Variants in HIP1 observed in about 807,000 individuals in gnomAD.
The protein encoded by HIP1 is huntingtin-interacting protein 1.
Under a neutral mutation model 147.6 loss-of-function variants are expected in HIP1, and 65 were observed. The observed-to-expected ratio is 0.44, with a 90% CI of 0.36 to 0.54. The LOEUF (loss-of-function observed/expected upper bound fraction) is 0.54, where lower values mean the gene tolerates loss of function less well. HIP1 is among the 20% of genes least tolerant of loss of function. The probability of loss-of-function intolerance (pLI) is 0.00; values close to 1 mark genes in which losing one functional copy is unlikely to be tolerated. For missense variants in HIP1, 1,061 were observed against 1,299.6 expected (o/e 0.82, Z 2.82); for synonymous variants, 479 against 504.0 (o/e 0.95, Z 0.67).
At chr7:75,629,670 A>G (rs1183821) in intron 1 of HIP1, among the ~76,000 whole-genome samples, 71,597 of 151,686 alleles carry the variant, frequency 0.47, 17,552 homozygotes, top group African/African-American at 0.6. Flanking sequence ...AGCCTCCTGA[A>G]TAGCTGGGAT....
chr7:75,579,913 G>A (rs970001381), intron 7 of HIP1, among the ~76,000 whole-genome samples: 3 of 152,144 alleles, frequency 2.0e-5, no homozygotes, highest in Non-Finnish European at 4.4e-5. Context: ...GTCATGGAAC[G>A]CCCTGAGTCT....
intron 1 of HIP1, among the ~76,000 whole-genome samples, chr7:75,642,818 C>T (rs960168455): frequency 1.8e-4 from 28 of 152,298 alleles, no homozygotes; most frequent in Middle Eastern, 6.8e-3. Flanking sequence ...TGAGCACAGC[C>T]TGCATTTCCC....
At chr7:75,544,994 G>A in intron 26 of HIP1, 94 bp downstream of exon 26, 1 of 842,870 alleles carries the variant, frequency 1.2e-6, no homozygotes, top group South Asian at 1.6e-5. Flanking sequence ...TTATTTCTAA[G>A]GGACAGATTT....
intron 8 of HIP1, among the ~76,000 whole-genome samples, chr7:75,573,115 G>C (rs1795708529): frequency 6.6e-6 from 1 of 152,178 alleles, no homozygotes; most frequent in Non-Finnish European, 1.5e-5. Context: ...TTCTGGGCCT[G>C]CCCATGGACC....
chr7:75,694,208 G>A (rs976941720), intron 1 of HIP1, among the ~76,000 whole-genome samples: 153 of 151,778 alleles, frequency 1.0e-3, no homozygotes, highest in African/African-American at 3.4e-3. Flanking sequence ...GTGAGCCACC[G>A]CGCCCGGCCC....
At chr7:75,614,753 A>G (rs1029341545) in intron 1 of HIP1, among the ~76,000 whole-genome samples, 1 of 152,084 alleles carries the variant, frequency 6.6e-6, no homozygotes, top group African/African-American at 2.4e-5. Context: ...AAAAAAAAAG[A>G]TAAAAAACAC....
intron 1 of HIP1, among the ~76,000 whole-genome samples, chr7:75,734,870 C>T (rs1801967816): frequency 6.6e-6 from 1 of 152,206 alleles, no homozygotes; most frequent in African/African-American, 2.4e-5. Flanking sequence ...TGCTTCAGTC[C>T]TCGGGGAGGG....
intron 7 of HIP1, among the ~76,000 whole-genome samples, chr7:75,574,129 C>T (rs1200625176): frequency 1.3e-5 from 2 of 152,180 alleles, no homozygotes; most frequent in Non-Finnish European, 2.9e-5. Context: ...CTCACAAAGT[C>T]AGGAAGTGGT....
intron 1 of HIP1, among the ~76,000 whole-genome samples, chr7:75,654,137 G>A (rs1323999335): frequency 1.3e-5 from 2 of 152,144 alleles, no homozygotes; most frequent in Admixed American, 1.3e-4. Flanking sequence ...GCTCACACCT[G>A]TAATCCCAGC....
Position 75,610,845 on chromosome 7 carries a change from A to T in HIP1, c.121-11598T>A, listed in dbSNP as rs587677278. ...TGGTAAGATCCCATCACTATTAAAA[A>T]ATATATATATATATTTATATATATT... On this transcript the variant is annotated intron_variant, in intron 1 of 30. Transcript: ENST00000336926. Among the ~76,000 whole-genome samples the T allele has an allele frequency of 1.3e-3, 188 of 147,578 alleles. 2 individuals are homozygous for T. The highest frequency in any genetic ancestry group is 2.5e-3 in the African/African-American group (103 of 40,764).
intron 1 of HIP1, among the ~76,000 whole-genome samples, chr7:75,731,891 C>T (rs1288709314): frequency 6.6e-6 from 1 of 152,198 alleles, no homozygotes; most frequent in Middle Eastern, 3.4e-3. Context: ...AATGATCACC[C>T]CATACCAATG....
At chr7:75,623,451 C>T (rs2117100537) in intron 1 of HIP1, among the ~76,000 whole-genome samples, 1 of 152,202 alleles carries the variant, frequency 6.6e-6, no homozygotes, top group Non-Finnish European at 1.5e-5. Flanking sequence ...GGGAATGGGG[C>T]CTGGTGCCCA....
intron 1 of HIP1, among the ~76,000 whole-genome samples, chr7:75,717,010 G>A (rs1176860072): frequency 6.6e-6 from 1 of 151,850 alleles, no homozygotes; most frequent in Non-Finnish European, 1.5e-5. Flanking sequence ...GTAGAGATGG[G>A]GTCTCACTAT....
chr7:75,671,088 C>CT (rs1799718778), intron 1 of HIP1, among the ~76,000 whole-genome samples: 1 of 151,940 alleles, frequency 6.6e-6, no homozygotes, highest in Non-Finnish European at 1.5e-5. Context: ...AATTTCCTTC[C>CT]TTTTTATTGT....
intron 1 of HIP1, among the ~76,000 whole-genome samples, chr7:75,610,415 T>C (rs1389186916): frequency 6.6e-6 from 1 of 151,968 alleles, no homozygotes; most frequent in Non-Finnish European, 1.5e-5. Flanking sequence ...TCTCCCTGTG[T>C]TGCCCAGGCT....
At chr7:75,587,372 G>C (rs117176147) in intron 4 of HIP1, among the ~76,000 whole-genome samples, 2,766 of 152,244 alleles carry the variant, frequency 0.018, 33 homozygotes, top group African/African-American at 0.024. Flanking sequence ...GTGAGCCACC[G>C]CACCCAGCCA....
At chr7:75,574,896 A>T (rs1200913515) in intron 7 of HIP1, among the ~76,000 whole-genome samples, 1 of 152,182 alleles carries the variant, frequency 6.6e-6, no homozygotes, top group Non-Finnish European at 1.5e-5. Flanking sequence ...GCAGTGGCTC[A>T]CGCCTGTAAT....
At position 75,593,849 on chromosome 7, in the gene HIP1, C is replaced by T. The variant is rs1796587953; in HGVS notation, c.185-1335G>A. ...CAACACCCCACTTCTTCCGTAAACC[C>T]ACCTGGCCCTGTTCAGGGGCACCTT... On this transcript the variant is annotated intron_variant, in intron 2 of 30. Transcript: ENST00000336926. Among the ~76,000 whole-genome samples, 8 of 152,092 alleles carry T rather than the reference C, an allele frequency of 5.3e-5. No homozygotes were observed. In the South Asian group the frequency reaches 1.7e-3, roughly 32 times the overall value.
chr7:75,575,785 G>A (rs958134954), intron 7 of HIP1, among the ~76,000 whole-genome samples: 6 of 152,116 alleles, frequency 3.9e-5, no homozygotes, highest in Admixed American at 2.0e-4. Flanking sequence ...CTCTGCACGC[G>A]GCGGGCAATG....
Sources: gnomAD v4.1 joint callset for allele counts (sites outside exome capture counted in the v4.1 genomes callset) on GRCh38, gnomAD v4.1.1 for gene constraint, MANE v1.5 for transcripts, NCBI Gene and HGNC (gene_info 2026-07-23, HGNC 2026-07-21) for gene names.